RLN2: variants seen among roughly 807,000 people sequenced by gnomAD.
The protein encoded by RLN2 is relaxin 2, also known as prorelaxin H2.
In RLN2, 10 loss-of-function variants were observed where a neutral mutation model predicts 7.3. That is an observed-to-expected ratio of 1.36 (90% CI 0.84 to 2.31). RLN2 has a LOEUF of 2.31. Among genes scored for constraint, RLN2 ranks in the 30% most tolerant of loss-of-function variants. The pLI, the probability that RLN2 is intolerant of heterozygous loss-of-function variation, is 0.00. For synonymous variants in RLN2, 103 were observed against 82.3 expected (o/e 1.25, Z -1.36); for missense variants, 298 against 217.6 (o/e 1.37, Z -2.32).
chr9:5,313,779 C>A, the RLN2 span, among the ~76,000 whole-genome samples: 1 of 151,732 alleles, frequency 6.6e-6, no homozygotes, highest in Non-Finnish European at 1.5e-5. Flanking sequence ...CCAAAGATAG[C>A]CAAAACAATA....
chr9:5,337,137 CATT>C, the RLN2 span, among the ~76,000 whole-genome samples: 1 of 152,120 alleles, frequency 6.6e-6, no homozygotes, highest in Non-Finnish European at 1.5e-5. Flanking sequence ...CATTTTCCCT[CATT>C]AAGACATCCT....
the RLN2 span, among the ~76,000 whole-genome samples, chr9:5,310,311 T>TTG: frequency 7.2e-5 from 11 of 152,008 alleles, no homozygotes; most frequent in Non-Finnish European, 1.6e-4. Flanking sequence ...CACGAGATTC[T>TTG]TGTGTGTGAA....
At chr9:5,328,457 G>A in the RLN2 span, among the ~76,000 whole-genome samples, 3 of 152,036 alleles carry the variant, frequency 2.0e-5, no homozygotes, top group African/African-American at 7.3e-5. Context: ...GAAGTGACGG[G>A]GAGAATGGAA....
chr9:5,330,304 G>C, the RLN2 span, among the ~76,000 whole-genome samples: 3 of 151,992 alleles, frequency 2.0e-5, no homozygotes, highest in Non-Finnish European at 2.9e-5. Flanking sequence ...ATAAAAGAAA[G>C]CAGGAGAGAT....
rs1484381813 is a variant in RLN2, at chr9:5,300,394, A to C, written c.262T>G (p.Ser88Ala). 6.2e-7 allele frequency: 1 copy of C among 1,611,964 alleles called. No individual in the cohort carries two copies. Among genetic ancestry groups the C allele is most frequent in the Admixed American group, 1.7e-5 (1 of 59,622 alleles). ...NKDTETINMMSEFVANLPQEL... is the reference protein window; with the variant it reads ...NKDTETINMMAEFVANLPQEL... ...TGTGGCAAATTAGCAACAAATTCTG[A>C]CATCATATTTATGGTTTCTGTATCT... The change falls in exon 2 of 2, where the codon TCA (serine) becomes GCA (alanine). Residue 88 changes from serine to alanine, a missense_variant. Physicochemically the swap from Ser to Ala is moderately conservative, Grantham distance 99. Transcript: ENST00000381627.
the RLN2 span, among the ~76,000 whole-genome samples, chr9:5,317,211 C>G: frequency 9.9e-5 from 15 of 151,976 alleles, no homozygotes; most frequent in African/African-American, 3.4e-4. Flanking sequence ...AACTCCTTAC[C>G]TATCAATAAT....
At chr9:5,311,783 C>G in the RLN2 span, 2 of 732,286 alleles carry the variant, frequency 2.7e-6, no homozygotes, top group African/African-American at 3.6e-5. Context: ...ATTTTTTTAT[C>G]AAGTTTTATA....
the RLN2 span, among the ~76,000 whole-genome samples, chr9:5,333,325 A>AAATGATAAGGGGGATACTACC: frequency 6.6e-6 from 1 of 151,930 alleles, no homozygotes; most frequent in Non-Finnish European, 1.5e-5. Flanking sequence ...AACACAATCC[A>AAATGATAAGGGGGATACTACC]AATGATAAGG....
the RLN2 span, chr9:5,311,527 G>A: frequency 1.9e-5 from 14 of 726,582 alleles, no homozygotes; most frequent in African/African-American, 3.5e-5. Context: ...TCATGAGGTT[G>A]TCTACTAAAC....
At chr9:5,311,494 T>G in the RLN2 span, 1 of 689,386 alleles carries the variant, frequency 1.5e-6, no homozygotes, top group Admixed American at 2.1e-5. Context: ...AAAGTCACGA[T>G]GAAGGATGAA....
At chr9:5,333,800 A>C in the RLN2 span, among the ~76,000 whole-genome samples, 1 of 152,054 alleles carries the variant, frequency 6.6e-6, no homozygotes, top group Non-Finnish European at 1.5e-5. Context: ...ATCCAGCAGC[A>C]CATCAAAAAG....
chr9:5,324,044 C>T, the RLN2 span, among the ~76,000 whole-genome samples: 1 of 151,528 alleles, frequency 6.6e-6, no homozygotes, highest in Non-Finnish European at 1.5e-5. Flanking sequence ...AAGACTCTGT[C>T]TCAAAATAAA....
chr9:5,300,353 G>C lies in RLN2; in HGVS notation c.303C>G (p.Thr101=). ...GTAATGCTGGCTGCATCTCAGACAG[G>C]GTTAACTTCAGCTCCTGTGGCAAAT... is the stretch of plus-strand genomic sequence containing the variant. The part of the protein sequence containing the change: ...VANLPQELKL[T]LSEMQPALPQ... The change falls in exon 2 of 2, where the codon ACC becomes ACG. Residue 101 remains threonine (T), a synonymous_variant. Coordinates refer to ENST00000381627, the MANE Select transcript of RLN2 (RefSeq NM_134441.3). The C allele has an allele frequency of 2.5e-6, 4 of 1,613,694 alleles. No homozygotes were observed. The highest frequency in any genetic ancestry group is 3.4e-6 in the Non-Finnish European group (4 of 1,179,826).
the RLN2 span, among the ~76,000 whole-genome samples, chr9:5,330,072 A>C: frequency 6.6e-6 from 1 of 152,070 alleles, no homozygotes; most frequent in African/African-American, 2.4e-5. Flanking sequence ...CTCAGACCAC[A>C]GTGCAATCAA....
Position 5,299,960 on chromosome 9 carries a change from C to G in RLN2, c.*138G>C, listed in dbSNP as rs557931834. On this transcript the variant is annotated 3_prime_UTR_variant, in exon 2 of 2. Coordinates refer to ENST00000381627, the MANE Select transcript of RLN2 (RefSeq NM_134441.3). ...ACATCAACAAAGATGTTTAGATATT[C>G]TAAGAATTGATGGGACCTAATATCT... 4 of 504,580 alleles carry G rather than the reference C, an allele frequency of 7.9e-6. No homozygotes were observed. The highest frequency in any genetic ancestry group is 7.8e-5 in the African/African-American group (4 of 51,024). The allele number at this position is 504,580 out of a possible 1,614,324, so 31.3% of individuals were successfully genotyped here.
At chr9:5,318,923 CCAAT>C in the RLN2 span, among the ~76,000 whole-genome samples, 1 of 151,798 alleles carries the variant, frequency 6.6e-6, no homozygotes. Context: ...AAGAAAAGGG[CCAAT>C]CAAATACAAA....
At chr9:5,310,440 T>A in the RLN2 span, among the ~76,000 whole-genome samples, 7 of 152,020 alleles carry the variant, frequency 4.6e-5, no homozygotes, top group African/African-American at 7.3e-5. Flanking sequence ...TCTATACTTA[T>A]TTCCTAGGAA....
the RLN2 span, among the ~76,000 whole-genome samples, chr9:5,325,586 T>A: frequency 1.2e-4 from 18 of 152,124 alleles, no homozygotes; most frequent in East Asian, 2.3e-3. Flanking sequence ...CAAATAAGCT[T>A]CACAGATGAA....
the RLN2 span, chr9:5,335,208 C>T: frequency 2.5e-6 from 3 of 1,221,580 alleles, no homozygotes; most frequent in Non-Finnish European, 3.5e-6. Flanking sequence ...GTCATCAAGA[C>T]TATGTGTGAA....
Sources: gnomAD v4.1 joint callset for allele counts (sites outside exome capture counted in the v4.1 genomes callset) on GRCh38, gnomAD v4.1.1 for gene constraint, MANE v1.5 for transcripts, NCBI Gene and HGNC (gene_info 2026-07-23, HGNC 2026-07-21) for gene names.